The following CHAT variants were observed in gnomAD, a reference collection of about 807,000 sequenced individuals.
The protein encoded by CHAT is choline O-acetyltransferase.
Under a neutral mutation model 76.9 loss-of-function variants are expected in CHAT, and 61 were observed. The observed-to-expected ratio is 0.79, with a 90% CI of 0.65 to 0.98. The LOEUF (loss-of-function observed/expected upper bound fraction) is 0.98. Among genes scored for constraint, CHAT ranks in the 50% least tolerant of loss-of-function variants. The pLI is 0.00. For synonymous variants in CHAT, 407 were observed against 397.4 expected (o/e 1.02, Z -0.29); for missense variants, 946 against 986.9 (o/e 0.96, Z 0.56).
At chr10:49,619,954 G>T (rs371705687) in intron 3 of CHAT, 38 bp downstream of exon 3, 2 of 1,586,008 alleles carry the variant, frequency 1.3e-6, no homozygotes, top group South Asian at 1.1e-5. Flanking sequence ...GAAGAGGGGC[G>T]GGAGGCAGAC....
At chr10:49,637,535 C>G (rs1564482539) in intron 7 of CHAT, 1 of 152,278 alleles carries the variant, frequency 6.6e-6, no homozygotes, top group Non-Finnish European at 1.5e-5. Flanking sequence ...TTTAAAAGTG[C>G]TTGGCAGTCC....
At position 49,632,292 on chromosome 10, in the gene CHAT, G is replaced by A. The variant is rs112983806; in HGVS notation, c.1111+4507G>A. On this transcript the variant is annotated intron_variant, in intron 7 of 14. Transcript: ENST00000337653. ...AAGGACAAGTGTGAGGACTGCATGC[G>A]CGTAGAGGACACATGGCCTGGGGAG... Among the ~76,000 whole-genome samples the A allele has an allele frequency of 4.9e-3, 744 of 152,310 alleles. 5 individuals are homozygous for A. Among genetic ancestry groups the A allele is most frequent in the African/African-American group, 0.016 (677 of 41,562 alleles).
intron 8 of CHAT, chr10:49,647,796 C>CTTCT (rs1270655862): frequency 1.2e-5 from 1 of 86,140 alleles, no homozygotes; most frequent in Non-Finnish European, 2.6e-5. Context: ...TCCTTCCTTC[C>CTTCT]TTCCTTCCTT....
At chr10:49,623,347 T>C (rs1838797702) in intron 5 of CHAT, among the ~76,000 whole-genome samples, 1 of 152,144 alleles carries the variant, frequency 6.6e-6, no homozygotes, top group Admixed American at 6.5e-5. Flanking sequence ...CGAATACCCA[T>C]GCATATCCAC....
intron 7 of CHAT, among the ~76,000 whole-genome samples, chr10:49,632,251 C>T (rs192441337): frequency 2.0e-5 from 3 of 152,202 alleles, no homozygotes; most frequent in East Asian, 1.9e-4. Flanking sequence ...AGGCATGAAG[C>T]GCTCCAGAAG....
At chr10:49,662,520 G>C in intron 13 of CHAT, 125 bp from the exon 14 acceptor site, 1 of 1,247,506 alleles carries the variant, frequency 8.0e-7, no homozygotes, top group Non-Finnish European at 1.2e-6. Flanking sequence ...GTTGGCAGCA[G>C]GCACTGGGTA....
In CHAT at chr10:49,664,796, T is replaced by A. The variant is rs1485449042; in HGVS notation, c.1997T>A (p.Met666Lys). 6.2e-7 allele frequency: 1 copy of A among 1,614,196 alleles called. No homozygotes were observed. The highest frequency in any genetic ancestry group is 1.1e-5 in the South Asian group (1 of 91,082). Residue 666 changes from methionine to lysine, a missense_variant, in exon 15 of 15, where the codon ATG (methionine) becomes AAG (lysine). Met to Lys is a moderately conservative substitution (Grantham distance 95). Around this residue, in one of 3 missense-constraint regions of CHAT, gnomAD observed 349 missense variants for 393.9 expected, o/e 0.89. Coordinates refer to ENST00000337653, the MANE Select transcript of CHAT (RefSeq NM_020549.5). ...STSQVPTTTE[M>K]FCCYGPVVPN... ...CTCCAGGTGCCCACAACCACGGAGA[T>A]GTTCTGCTGCTATGGTCCTGTGGTC...
In CHAT at chr10:49,614,065, G is replaced by A; in HGVS notation, c.-125G>A. Reference sequence around the variant, plus strand: ...TGCTGAGCTAGGGGCAGGAGGCATGGGCGGGACAGTGTTCTGTGCCCCCTT... The same window carrying A: ...TGCTGAGCTAGGGGCAGGAGGCATGAGCGGGACAGTGTTCTGTGCCCCCTT... On this transcript the variant is annotated 5_prime_UTR_variant, in exon 1 of 15. Transcript: ENST00000337653. The A allele has an allele frequency of 6.6e-7, 1 of 1,513,750 alleles. No individual in the cohort carries two copies. Among genetic ancestry groups the A allele is most frequent in the Non-Finnish European group, 8.9e-7 (1 of 1,125,052 alleles). 93.8% of individuals were successfully genotyped at this position (1,513,750 alleles called of 1,614,324 possible).
Position 49,649,735 on chromosome 10 carries a change from G to C in CHAT, c.1511+99G>C, listed in dbSNP as rs903206787. 13 of 1,324,946 alleles carry C rather than the reference G, an allele frequency of 9.8e-6. No individual in the cohort carries two copies. The East Asian group carries it at 3.0e-4, about 31-fold the overall frequency. 82.1% of individuals were successfully genotyped at this position (1,324,946 alleles called of 1,614,324 possible). On this transcript the variant is annotated intron_variant, in intron 10 of 14. Transcript: ENST00000337653. ...TCCCTGGAAGTTTCCAAAGACCCCAGCTCCTCTGCCTCTCCTTGGGCTCCA... is the reference window on the plus strand; with the variant it reads ...TCCCTGGAAGTTTCCAAAGACCCCACCTCCTCTGCCTCTCCTTGGGCTCCA...
chr10:49,627,890 T>G, intron 7 of CHAT, 105 bp downstream of exon 7: 1 of 1,351,664 alleles, frequency 7.4e-7, no homozygotes, highest in Non-Finnish European at 1.0e-6. Flanking sequence ...TCAGCCATAG[T>G]GTGGGAGCTC....
At chr10:49,612,893 AG>A (rs1004192166), upstream of CHAT, among the ~76,000 whole-genome samples, 1 of 152,190 alleles carries the variant, frequency 6.6e-6, no homozygotes, top group African/African-American at 2.4e-5. Context: ...AACCCAACAA[AG>A]GCTGTCACCC....
chr10:49,610,611 ACCTGAGGCACAGGGGAGT>A, upstream of CHAT: 1 of 890,052 alleles, frequency 1.1e-6, no homozygotes, highest in Non-Finnish European at 1.6e-6. Context: ...CTCCGCGGCC[ACCTGAGGCACAGGGGAGT>A]CTGCTCGGCC....
In CHAT at chr10:49,619,815, A is replaced by G; in HGVS notation, c.478A>G (p.Arg160Gly). ...MRHLVSEEQFRKSQAIVQQFG... is the reference protein window; with the variant it reads ...MRHLVSEEQFGKSQAIVQQFG... ...ACACTTGGTGTCTGAGGAGCAGTTC[A>G]GGAAGAGCCAGGCCATTGTGCAGCA... is the stretch of plus-strand genomic sequence containing the variant. Residue 160 changes from arginine to glycine, a missense_variant, in exon 3 of 15, where the codon AGG (arginine) becomes GGG (glycine). By Grantham distance (125) the Arg-to-Gly change is moderately radical. Transcript: ENST00000337653. 2 of 1,614,042 alleles carry G rather than the reference A, an allele frequency of 1.2e-6. No homozygotes were observed. Among genetic ancestry groups the G allele is most frequent in the Non-Finnish European group, 1.7e-6 (2 of 1,179,986 alleles).
At chr10:49,632,163 C>T (rs917705000) in intron 7 of CHAT, among the ~76,000 whole-genome samples, 1 of 152,108 alleles carries the variant, frequency 6.6e-6, no homozygotes, top group Non-Finnish European at 1.5e-5. Flanking sequence ...TCGGGAAGTG[C>T]CACATTGCAG....
intron 4 of CHAT, 56 bp from the exon 5 acceptor site, chr10:49,622,041 G>GAGGGGGGGAA (rs1838745132): frequency 3.8e-6 from 2 of 520,314 alleles, no homozygotes; most frequent in African/African-American, 8.5e-5. Flanking sequence ...AGGGAGGGAG[G>GAGGGGGGGAA]GAGGGAGGAA....
intron 5 of CHAT, among the ~76,000 whole-genome samples, chr10:49,622,671 G>A (rs1033068897): frequency 6.6e-6 from 1 of 152,208 alleles, no homozygotes; most frequent in African/African-American, 2.4e-5. Flanking sequence ...GAGAGCAGGA[G>A]GGTGTCTGAG....
At chr10:49,658,327 C>CG (rs1384219446) in intron 13 of CHAT, among the ~76,000 whole-genome samples, 5 of 152,014 alleles carry the variant, frequency 3.3e-5, no homozygotes, top group Non-Finnish European at 7.4e-5. Flanking sequence ...TCCAGCCTGA[C>CG]CAACATGGAG....
chr10:49,643,508 A>T (rs1839556078), intron 7 of CHAT, among the ~76,000 whole-genome samples: 1 of 152,120 alleles, frequency 6.6e-6, no homozygotes. Flanking sequence ...GCCTGCAGGG[A>T]CCAGTAGCAC....
At chr10:49,622,242 TC>T in intron 5 of CHAT, 92 bp downstream of exon 5, 1 of 1,345,658 alleles carries the variant, frequency 7.4e-7, no homozygotes, top group Non-Finnish European at 1.1e-6. Context: ...AGCTCTGTAT[TC>T]CCATTCCTGG....
Sources: allele counts gnomAD v4.1 joint callset (sites outside exome capture counted in the v4.1 genomes callset), GRCh38; gene constraint gnomAD v4.1.1; regional missense constraint gnomAD v4.1.1; transcripts MANE v1.5; gene names NCBI Gene and HGNC (gene_info 2026-07-23, HGNC 2026-07-21).